Variants in FAAH2 observed in about 807,000 individuals in gnomAD.
FAAH2 encodes the protein fatty acid amide hydrolase 2, also known as fatty-acid amide hydrolase 2.
Under a neutral mutation model 36.9 loss-of-function variants are expected in FAAH2, and 60 were observed. That is an observed-to-expected ratio of 1.63 (90% CI 1.32 to 2.02). The LOEUF (loss-of-function observed/expected upper bound fraction) is 2.02, where lower values mean the gene tolerates loss of function less well. Ranked by LOEUF, FAAH2 falls within the 30% of genes most tolerant of loss-of-function variation. The pLI, the probability that FAAH2 is intolerant of heterozygous loss-of-function variation, is 0.00. For synonymous variants in FAAH2, 214 were observed against 143.8 expected, an observed-to-expected ratio of 1.49 and a Z score of -3.49; for missense variants, 689 against 397.5, an observed-to-expected ratio of 1.73 and a Z score of -6.23.
At chrX:57,333,608 A>ATAT (rs1555973505) in intron 4 of FAAH2, among the ~76,000 whole-genome samples, 1 of 110,685 alleles carries the variant, frequency 9.0e-6, no homozygotes, top group African/African-American at 3.3e-5. Flanking sequence ...ATAAAAAAAA[A>ATAT]ATATAACAGA....
the FAAH2 span, among the ~76,000 whole-genome samples, chrX:57,201,091 T>C: frequency 4.7e-5 from 5 of 106,884 alleles, no homozygotes; most frequent in African/African-American, 1.7e-4. Flanking sequence ...AAACATGTTA[T>C]GCCACTCTCT....
chrX:57,221,639 C>T, the FAAH2 span, among the ~76,000 whole-genome samples: 1 of 111,686 alleles, frequency 9.0e-6, no homozygotes, highest in Non-Finnish European at 1.9e-5. Flanking sequence ...GCTGTACTCC[C>T]AGTATGTCCA....
At chrX:57,481,647 C>T (rs7882363) in intron 10 of FAAH2, among the ~76,000 whole-genome samples, 1 of 111,778 alleles carries the variant, frequency 8.9e-6, no homozygotes, top group Admixed American at 9.4e-5. Context: ...CTGATGCCAG[C>T]TGGAGCTGTC....
intron 2 of FAAH2, among the ~76,000 whole-genome samples, chrX:57,299,598 C>G (rs1461819551): frequency 1.8e-5 from 2 of 112,065 alleles, no homozygotes; most frequent in Non-Finnish European, 3.8e-5. Flanking sequence ...GTTGGAAGTT[C>G]TGTCCAGGGA....
chrX:57,304,196 G>A (rs2052457008), intron 2 of FAAH2, among the ~76,000 whole-genome samples: 1 of 111,936 alleles, frequency 8.9e-6, no homozygotes, highest in Admixed American at 9.5e-5. Context: ...GACAGAGAGA[G>A]ACTGTCTCAA....
At chrX:57,219,183 T>C in the FAAH2 span, among the ~76,000 whole-genome samples, 1 of 111,882 alleles carries the variant, frequency 8.9e-6, no homozygotes. Context: ...AAAACATTTG[T>C]CCCATCCTCA....
intron 5 of FAAH2, among the ~76,000 whole-genome samples, chrX:57,349,126 C>G (rs1470542440): frequency 2.2e-5 from 2 of 89,376 alleles, no homozygotes; most frequent in Non-Finnish European, 2.2e-5. Flanking sequence ...ATAATATATA[C>G]ACATATATAT....
the FAAH2 span, among the ~76,000 whole-genome samples, chrX:57,232,412 GA>G: frequency 1.8e-5 from 2 of 112,116 alleles, no homozygotes; most frequent in African/African-American, 6.5e-5. Flanking sequence ...GGAAAGTAGT[GA>G]CCTACACAAA....
At chrX:57,283,707 G>A, upstream of FAAH2, among the ~76,000 whole-genome samples, 1 of 111,270 alleles carries the variant, frequency 9.0e-6, no homozygotes, top group Non-Finnish European at 1.9e-5. Flanking sequence ...GCTCCTCTCT[G>A]TATGGTGGCT....
At chrX:57,145,575 A>G in the FAAH2 span, among the ~76,000 whole-genome samples, 5 of 111,570 alleles carry the variant, frequency 4.5e-5, no homozygotes, top group Non-Finnish European at 9.4e-5. Context: ...AGTCCCACTT[A>G]TTTATTTTTG....
At chrX:57,383,618 G>A (rs1339849771) in intron 7 of FAAH2, among the ~76,000 whole-genome samples, 1 of 111,695 alleles carries the variant, frequency 9.0e-6, no homozygotes, top group Non-Finnish European at 1.9e-5. Flanking sequence ...ACTTGCAAGG[G>A]ATGTGAAGGA....
chrX:57,283,160 G>A (rs1027804592), upstream of FAAH2, among the ~76,000 whole-genome samples: 2 of 112,246 alleles, frequency 1.8e-5, no homozygotes, highest in Admixed American at 1.9e-4. Context: ...TGGTGGCTGT[G>A]GCTTTCTGGA....
chrX:57,289,165 A>G (rs779896783), intron 1 of FAAH2, among the ~76,000 whole-genome samples: 122 of 112,010 alleles, frequency 1.1e-3, no homozygotes, highest in Non-Finnish European at 1.5e-3. Flanking sequence ...GCTTTCTAAT[A>G]GCTTGTCCAA....
chrX:57,475,431 C>A (rs1356755501), intron 10 of FAAH2, among the ~76,000 whole-genome samples: 1 of 111,958 alleles, frequency 8.9e-6, no homozygotes, highest in Admixed American at 9.5e-5. Context: ...GTTTTTTCAG[C>A]ATCATTTATT....
chrX:57,203,230 C>T, the FAAH2 span, among the ~76,000 whole-genome samples: 1 of 112,073 alleles, frequency 8.9e-6, no homozygotes, highest in Non-Finnish European at 1.9e-5. Flanking sequence ...TTAAAGTATT[C>T]CTTATGGGAA....
At chrX:57,403,418 G>C (rs1361443189) in intron 7 of FAAH2, among the ~76,000 whole-genome samples, 5 of 112,656 alleles carry the variant, frequency 4.4e-5, no homozygotes, top group Non-Finnish European at 9.4e-5. Flanking sequence ...GGATTCTAGT[G>C]GTCCTTTACC....
the FAAH2 span, among the ~76,000 whole-genome samples, chrX:57,246,035 A>G: frequency 8.9e-6 from 1 of 111,949 alleles, no homozygotes; most frequent in Non-Finnish European, 1.9e-5. Context: ...AAAAAATGCT[A>G]TAGGGGATAA....
rs776061583 is a variant in FAAH2 at position 57,464,964 on chromosome X, A to G, written c.1423+16246A>G. Among the ~76,000 whole-genome samples, 5 of 112,246 alleles carry G rather than the reference A, an allele frequency of 4.5e-5. No individual in the cohort carries two copies. In the South Asian group the frequency reaches 1.8e-3, roughly 41 times the overall value. ...AATGAGGATATTTAAGGATATTCAG[A>G]CAACTAAAGAAAACCATGTTCTAAG... On this transcript the variant is annotated intron_variant, in intron 10 of 10. Coordinates refer to ENST00000374900, the MANE Select transcript of FAAH2 (RefSeq NM_174912.4).
At chrX:57,324,937 T>C (rs1476428194) in intron 3 of FAAH2, among the ~76,000 whole-genome samples, 2 of 112,265 alleles carry the variant, frequency 1.8e-5, no homozygotes, top group Non-Finnish European at 3.8e-5. Context: ...AGGGAATACT[T>C]CCAGTTTTTG....
Sources: allele counts gnomAD v4.1 joint callset (sites outside exome capture counted in the v4.1 genomes callset), GRCh38; gene constraint gnomAD v4.1.1; transcripts MANE v1.5; gene names NCBI Gene and HGNC (gene_info 2026-07-23, HGNC 2026-07-21).